The following STK10 variants were observed in gnomAD, a reference collection of about 807,000 sequenced individuals.
STK10 encodes serine/threonine-protein kinase 10.
In STK10, 78 loss-of-function variants were observed where a neutral mutation model predicts 113.8. That is an observed-to-expected ratio of 0.69 (90% CI 0.57 to 0.83). The LOEUF (loss-of-function observed/expected upper bound fraction) is 0.83. Among genes scored for constraint, STK10 ranks in the 40% least tolerant of loss-of-function variants. The pLI is 0.00. For synonymous variants in STK10, 465 were observed against 494.7 expected, an observed-to-expected ratio of 0.94 and a Z score of 0.80; for missense variants, 1,109 against 1,280.1, an observed-to-expected ratio of 0.87 and a Z score of 2.04.
intron 7 of STK10, among the ~76,000 whole-genome samples, chr5:172,100,058 G>A (rs772820720): frequency 3.3e-5 from 5 of 152,186 alleles, no homozygotes; most frequent in Admixed American, 6.5e-5. Context: ...AGGGCCACCC[G>A]TCCTATGGCT....
chr5:172,093,924 T>A lies in STK10; in HGVS notation c.1042A>T (p.Ser348Cys). 1 of 1,525,734 alleles carries A rather than the reference T, an allele frequency of 6.6e-7. No individual in the cohort carries two copies. The highest frequency in any genetic ancestry group is 8.8e-7 in the Non-Finnish European group (1 of 1,135,314). The allele number at this position is 1,525,734 out of a possible 1,614,324, so 94.5% of individuals were successfully genotyped here. The change falls in exon 9 of 19, where the codon AGT (serine) becomes TGT (cysteine). Residue 348 changes from serine to cysteine, a missense_variant. This residue lies in a region of STK10 where 885 missense variants were observed against 991.1 expected (regional missense o/e 0.89). Coordinates refer to ENST00000176763, the MANE Select transcript of STK10 (RefSeq NM_005990.4). This position sits in a 1 kb window ranked among gnomAD's most constrained non-coding sequence, Gnocchi z 4.1. Reference sequence around the variant, plus strand: ...TTGTCAGCATTGAGGCTTGGCGGACTCACCTCAGAGGAGTTCTGAGTATGG... The same window carrying A: ...TTGTCAGCATTGAGGCTTGGCGGACACACCTCAGAGGAGTTCTGAGTATGG... ...ENHTQNSSEV[S>C]PPSLNADKPL... is the part of the protein sequence containing the mutation.
intron 12 of STK10, among the ~76,000 whole-genome samples, chr5:172,072,627 A>G (rs73319830): frequency 0.043 from 6,604 of 152,234 alleles, 508 homozygotes; most frequent in African/African-American, 0.15. Flanking sequence ...TCTTAATCCA[A>G]TGAGGGCAGC....
intron 7 of STK10, among the ~76,000 whole-genome samples, chr5:172,096,941 T>C (rs1275170297): frequency 6.6e-6 from 1 of 152,254 alleles, no homozygotes; most frequent in Non-Finnish European, 1.5e-5. Flanking sequence ...GGGTGTCTAT[T>C]TTCCTTTTTA....
At chr5:172,074,632 G>T (rs953415391) in intron 12 of STK10, among the ~76,000 whole-genome samples, 3 of 152,104 alleles carry the variant, frequency 2.0e-5, no homozygotes, top group Non-Finnish European at 4.4e-5. Context: ...TGTGATGTTG[G>T]GTTAGGCAAA....
At chr5:172,056,974 A>AGAAAGAAAGAAC (rs1767800709) in intron 15 of STK10, 2 of 113,654 alleles carry the variant, frequency 1.8e-5, no homozygotes, top group Non-Finnish European at 3.5e-5. Context: ...AAAGAAAGAA[A>AGAAAGAAAGAAC]GAAAGAAAGA....
chr5:172,107,031 A>G (rs2113765167), intron 5 of STK10: 1 of 270,000 alleles, frequency 3.7e-6, no homozygotes, highest in African/African-American at 2.3e-5. Flanking sequence ...TGCAGTTCCG[A>G]TGCCTACCGC....
chr5:172,159,727 G>T (rs1332019450), intron 1 of STK10, among the ~76,000 whole-genome samples: 2 of 152,150 alleles, frequency 1.3e-5, no homozygotes, highest in African/African-American at 4.8e-5. Context: ...GGAGGCTGAG[G>T]CACAAGAATT....
Position 172,101,128 on chromosome 5 carries a change from T to G in STK10, c.870+4528A>C, listed in dbSNP as rs75347615. Among the ~76,000 whole-genome samples the G allele has an allele frequency of 7.4e-3, 1,121 of 152,322 alleles. 18 individuals are homozygous for G. The highest frequency in any genetic ancestry group is 0.025 in the African/African-American group (1,040 of 41,562). Reference sequence around the variant, plus strand: ...GGTGACATTTGCTAAGTATTTATAATCGTACCTGGCATGAACAAAGGGTTA... The same window carrying G: ...GGTGACATTTGCTAAGTATTTATAAGCGTACCTGGCATGAACAAAGGGTTA... On this transcript the variant is annotated intron_variant, in intron 7 of 18. Transcript: ENST00000176763.
At chr5:172,137,169 T>A (rs1769880115) in intron 2 of STK10, among the ~76,000 whole-genome samples, 1 of 152,150 alleles carries the variant, frequency 6.6e-6, no homozygotes. Flanking sequence ...TTCCCTTAAC[T>A]ATAAACGTCT....
chr5:172,181,435 A>G (rs1770851729), intron 1 of STK10, among the ~76,000 whole-genome samples: 1 of 151,924 alleles, frequency 6.6e-6, no homozygotes, highest in African/African-American at 2.4e-5. Context: ...ATTACGTATT[A>G]CGTAAAGCGC....
At chr5:172,051,353 A>G (rs1244307903) in intron 18 of STK10, among the ~76,000 whole-genome samples, 2 of 151,032 alleles carry the variant, frequency 1.3e-5, no homozygotes, top group African/African-American at 4.9e-5. Flanking sequence ...GCAGAGAGCC[A>G]CGTTCCCACG....
chr5:172,064,804 G>C lies in STK10; in HGVS notation c.1998C>G (p.Asn666Lys). The change falls in exon 13 of 19, where the codon AAC becomes AAG. Residue 666 changes from asparagine to lysine, a missense_variant. Around this residue, in one of 5 missense-constraint regions of STK10, gnomAD observed 885 missense variants for 991.1 expected, o/e 0.89. Coordinates refer to ENST00000176763, the MANE Select transcript of STK10 (RefSeq NM_005990.4). ...QLKLMKKEVK[N>K]EVEKLPRQQR... ...GCTGTCGGGGGAGCTTCTCCACCTC[G>C]TTCTTCACCTGCAGCAGAGACAGCA... The C allele has an allele frequency of 1.2e-6, 2 of 1,614,066 alleles. No homozygotes were observed. Among genetic ancestry groups the C allele is most frequent in the Non-Finnish European group, 8.5e-7 (1 of 1,180,018 alleles).
At chr5:172,063,718 C>T (rs2113705747) in intron 13 of STK10, 1 of 152,330 alleles carries the variant, frequency 6.6e-6, no homozygotes, top group Middle Eastern at 3.4e-3. Context: ...GGCCTCGACC[C>T]CCTCCCTGAA....
intron 2 of STK10, among the ~76,000 whole-genome samples, chr5:172,134,447 C>T (rs1257454156): frequency 6.6e-6 from 1 of 152,026 alleles, no homozygotes; most frequent in African/African-American, 2.4e-5. Context: ...ATCCTCCCAT[C>T]TTTAAATAAA....
chr5:172,068,702 T>C (rs1345351276), intron 12 of STK10, among the ~76,000 whole-genome samples: 1 of 152,120 alleles, frequency 6.6e-6, no homozygotes, highest in African/African-American at 2.4e-5. Context: ...ACACCTGTAA[T>C]GCCAGCACTT....
At chr5:172,166,393 A>C (rs1208462134) in intron 1 of STK10, among the ~76,000 whole-genome samples, 1 of 152,162 alleles carries the variant, frequency 6.6e-6, no homozygotes, top group East Asian at 1.9e-4. Context: ...GAAGGAGATG[A>C]GTTCCCTCTC....
intron 2 of STK10, among the ~76,000 whole-genome samples, chr5:172,144,477 C>A (rs1770044476): frequency 6.6e-6 from 1 of 152,224 alleles, no homozygotes; most frequent in Non-Finnish European, 1.5e-5. Flanking sequence ...AAAAACGCAA[C>A]AGTCAACACA....
At chr5:172,096,973 T>C (rs746574669) in intron 7 of STK10, among the ~76,000 whole-genome samples, 4 of 152,262 alleles carry the variant, frequency 2.6e-5, no homozygotes, top group South Asian at 2.1e-4. Flanking sequence ...TATATAGTTT[T>C]ATAAAATATG....
chr5:172,071,212 C>CAAAAAAAAAAAAAAAAAAA (rs369407918), intron 12 of STK10, among the ~76,000 whole-genome samples: 8 of 26,598 alleles, frequency 3.0e-4, no homozygotes, highest in African/African-American at 8.4e-4. Flanking sequence ...CTCTCTATCT[C>CAAAAAAAAAAAAAAAAAAA]AAAAAAAAAA....
Sources: gnomAD v4.1 joint callset for allele counts (sites outside exome capture counted in the v4.1 genomes callset) on GRCh38, gnomAD v4.1.1 for gene constraint, gnomAD v4.1.1 regional missense constraint, Gnocchi (gnomAD v3.1) non-coding constraint, MANE v1.5 for transcripts, NCBI Gene and HGNC (gene_info 2026-07-23, HGNC 2026-07-21) for gene names.